The following LRRK2 variants were observed in gnomAD, a reference collection of about 807,000 sequenced individuals.
The protein encoded by LRRK2 is leucine-rich repeat serine/threonine-protein kinase 2.
In LRRK2, 203 loss-of-function variants were observed where a neutral mutation model predicts 302.6. The ratio of observed to expected loss-of-function variants is 0.67; its 90% CI spans 0.60 to 0.75. LRRK2 has a LOEUF of 0.75. LRRK2 is among the 30% of genes least tolerant of loss of function. LRRK2 has a pLI of 0.00. For synonymous variants in LRRK2, 1,066 were observed against 1,031.9 expected, an observed-to-expected ratio of 1.03 and a Z score of -0.63; for missense variants, 2,830 against 2,951.0, an observed-to-expected ratio of 0.96 and a Z score of 0.95.
At chr12:40,235,296 C>T (rs1941399349) in intron 3 of LRRK2, among the ~76,000 whole-genome samples, 2 of 152,084 alleles carry the variant, frequency 1.3e-5, no homozygotes, top group South Asian at 4.1e-4. Context: ...ATAGCAAACC[C>T]TGTCTCTCCA....
chr12:40,340,264 G>GAATAAGATTTCCTGTGCATTTTCTGGC, intron 40 of LRRK2, 30 bp from the exon 41 acceptor site: 2 of 1,609,722 alleles, frequency 1.2e-6, no homozygotes, highest in Non-Finnish European at 1.7e-6. Flanking sequence ...AATCACATTT[G>GAATAAGATTTCCTGTGCATTTTCTGGC]AATAAGATTT....
intron 12 of LRRK2, among the ~76,000 whole-genome samples, chr12:40,258,916 C>T (rs1318927366): frequency 6.6e-6 from 1 of 152,156 alleles, no homozygotes; most frequent in African/African-American, 2.4e-5. Flanking sequence ...CTACTGCATT[C>T]TAGTCAAGTG....
chr12:40,287,306 C>A (rs766147685), intron 19 of LRRK2, 45 bp from the exon 20 acceptor site: 4 of 1,557,120 alleles, frequency 2.6e-6, no homozygotes, highest in South Asian at 2.3e-5. Context: ...TTTATTTTTG[C>A]ATAATTGTTG....
At chr12:40,335,297 T>C (rs1023645356) in intron 40 of LRRK2, 140 bp downstream of exon 40, 59 of 968,430 alleles carry the variant, frequency 6.1e-5, no homozygotes, top group Non-Finnish European at 8.5e-5. Flanking sequence ...ACCATTTCCC[T>C]GATCAAATTT....
intron 14 of LRRK2, among the ~76,000 whole-genome samples, chr12:40,269,062 A>C (rs1943132642): frequency 6.6e-6 from 1 of 152,198 alleles, no homozygotes; most frequent in Admixed American, 6.6e-5. Flanking sequence ...ATTGTTATTA[A>C]CGTAAATGAC....
At chr12:40,352,813 G>T (rs1439404059) in intron 44 of LRRK2, among the ~76,000 whole-genome samples, 1 of 151,934 alleles carries the variant, frequency 6.6e-6, no homozygotes, top group Non-Finnish European at 1.5e-5. Flanking sequence ...CAAGGCAGAA[G>T]AATTTTTCTT....
chr12:40,237,809 G>T (rs1565669973), intron 4 of LRRK2, among the ~76,000 whole-genome samples, 160 bp from the exon 5 acceptor site: 1 of 138,292 alleles, frequency 7.2e-6, no homozygotes, highest in Non-Finnish European at 1.6e-5. Context: ...ATCTAGGGCA[G>T]TTAAGTAGTT....
In LRRK2 at chr12:40,298,507, C is replaced by A; in HGVS notation, c.3347+14C>A. 1 of 1,613,416 alleles carries A rather than the reference C, an allele frequency of 6.2e-7. No individual in the cohort carries two copies. The highest frequency in any genetic ancestry group is 8.5e-7 in the Non-Finnish European group (1 of 1,179,808). On this transcript the variant is annotated intron_variant, in intron 24 of 50. Transcript: ENST00000298910. ...CATTTTAGAAGGGTAAGAAAGAGCT[C>A]ATTAAAAATAAAAGGGTTGCCTAAA...
intron 18 of LRRK2, among the ~76,000 whole-genome samples, chr12:40,282,260 A>C (rs1943744258): frequency 6.7e-6 from 1 of 148,200 alleles, no homozygotes; most frequent in East Asian, 2.0e-4. Flanking sequence ...CTTAAAGAGG[A>C]TTTTAGTAAT....
chr12:40,366,829 A>AT, intron 49 of LRRK2, 177 bp from the exon 50 acceptor site: 1 of 539,746 alleles, frequency 1.9e-6, no homozygotes, highest in Non-Finnish European at 3.4e-6. Flanking sequence ...AGATTTTGTT[A>AT]TTTTTTAAAA....
In LRRK2 at chr12:40,310,594, C is replaced by T; in HGVS notation, c.4481C>T (p.Ser1494Phe). The T allele has an allele frequency of 6.2e-7, 1 of 1,612,516 alleles. No individual in the cohort carries two copies. The highest frequency in any genetic ancestry group is 8.5e-7 in the Non-Finnish European group (1 of 1,179,634). Residue 1494 changes from serine to phenylalanine, a missense_variant, in exon 31 of 51, where the codon TCT (serine) becomes TTT (phenylalanine). Physicochemically the swap from Ser to Phe is radical, Grantham distance 155 (BLOSUM62 -2). Around this residue, in one of 3 missense-constraint regions of LRRK2, gnomAD observed 2,121 missense variants for 2,148.0 expected, o/e 0.99. Transcript: ENST00000298910. ...CACTTTGTGAATGCCACCGAGGAAT[C>T]TGATGCTTTGGCAAAACTTCGGAAA... is the stretch of plus-strand genomic sequence containing the variant. ...DYHFVNATEESDALAKLRKTI... is the reference protein window; with the variant it reads ...DYHFVNATEEFDALAKLRKTI...
chr12:40,301,101 A>G (rs765565043), intron 25 of LRRK2: 2 of 456,714 alleles, frequency 4.4e-6, no homozygotes, highest in South Asian at 3.1e-5. Flanking sequence ...GAAAGTTTGA[A>G]TGGACCCCAG....
intron 42 of LRRK2, 23 bp downstream of exon 42, chr12:40,346,946 T>A: frequency 1.3e-6 from 2 of 1,591,852 alleles, no homozygotes; most frequent in Non-Finnish European, 1.7e-6. Context: ...TTCTCTACAA[T>A]GAAGATTTTT....
Position 40,305,931 on chromosome 12 carries a change from TA to T in LRRK2, c.3927del (p.Lys1309AsnfsTer3). 1 of 1,612,498 alleles carries T rather than the reference TA, an allele frequency of 6.2e-7. No individual in the cohort carries two copies. The highest frequency in any genetic ancestry group is 8.5e-7 in the Non-Finnish European group (1 of 1,178,976). The part of the protein sequence containing the change: ...LDELHLNFDF[K>X]HIGCKAKDII... ...ATGAACTGCATCTTAACTTTGATTT[TA>T]AACATATAGGATGTAAAGCCAAAGA... On this transcript the variant is annotated frameshift_variant, in exon 28 of 51. Coordinates refer to ENST00000298910, the MANE Select transcript of LRRK2 (RefSeq NM_198578.4). LOFTEE classifies it high-confidence loss of function.
rs1946834397 is a variant in LRRK2, at chr12:40,365,000, T to C, written c.7340T>C (p.Val2447Ala). 1.9e-6 allele frequency: 3 copies of C among 1,612,634 alleles called. No homozygotes were observed. Among genetic ancestry groups the C allele is most frequent in the African/African-American group, 2.7e-5 (2 of 74,934 alleles). The stretch of plus-strand genomic sequence containing the variant: ...CTTTCAACTCGTCGACTTATACGTG[T>C]AATTTACAACTTTTGTAATTCGGTC... Reference protein sequence around the residue: ...LDLSTRRLIRVIYNFCNSVRV... With the variant: ...LDLSTRRLIRAIYNFCNSVRV... Residue 2447 changes from valine to alanine, a missense_variant, in exon 49 of 51, where the codon GTA (valine) becomes GCA (alanine). By Grantham distance (64) the Val-to-Ala change is moderately conservative. Coordinates refer to ENST00000298910, the MANE Select transcript of LRRK2 (RefSeq NM_198578.4).
At position 40,342,890 on chromosome 12, in the gene LRRK2, C is replaced by A. The variant is rs538494167; in HGVS notation, c.6109+2436C>A. 5.3e-5 allele frequency among the ~76,000 whole-genome samples: 8 copies of A among 152,106 alleles called. No homozygotes were observed. The East Asian group carries it at 1.5e-3, about 29-fold the overall frequency. ...CATTACGGCTGTATTAGGAGCAGAA[C>A]CTTCCAGAGCATGAGCGATGTGCTG... is the stretch of plus-strand genomic sequence containing the variant. On this transcript the variant is annotated intron_variant, in intron 41 of 50. Transcript: ENST00000298910.
chr12:40,333,168 C>T (rs1333118107), intron 39 of LRRK2, among the ~76,000 whole-genome samples: 1 of 152,052 alleles, frequency 6.6e-6, no homozygotes, highest in African/African-American at 2.4e-5. Context: ...AACTTAACTC[C>T]TTCTCATCAG....
chr12:40,237,730 A>C (rs1223202357), intron 4 of LRRK2, among the ~76,000 whole-genome samples: 1 of 152,184 alleles, frequency 6.6e-6, no homozygotes, highest in Admixed American at 6.5e-5. Context: ...ATTGAGACTC[A>C]TGAAATTATA....
intron 42 of LRRK2, 36 bp from the exon 43 acceptor site, chr12:40,348,373 T>C: frequency 7.2e-7 from 1 of 1,390,202 alleles, no homozygotes; most frequent in Admixed American, 1.7e-5. Context: ...TTCTTACTTA[T>C]TTAGTATGCT....
Sources: allele counts gnomAD v4.1 joint callset (sites outside exome capture counted in the v4.1 genomes callset), GRCh38; gene constraint gnomAD v4.1.1; regional missense constraint gnomAD v4.1.1; transcripts MANE v1.5; gene names NCBI Gene and HGNC (gene_info 2026-07-23, HGNC 2026-07-21).